Variants in UBFD1 observed in about 807,000 individuals in gnomAD.
UBFD1 encodes the protein ubiquitin domain-containing protein UBFD1.
A neutral mutation model predicts 35.1 loss-of-function variants in UBFD1; 12 were observed. That is an observed-to-expected ratio of 0.34 (90% CI 0.22 to 0.55). UBFD1 has a LOEUF of 0.55. Ranked by LOEUF, UBFD1 falls within the 20% of genes least tolerant of loss-of-function variation. UBFD1 has a pLI of 0.89. For missense variants in UBFD1, 337 were observed against 410.8 expected (o/e 0.82, Z 1.55); for synonymous variants, 178 against 167.6 (o/e 1.06, Z -0.48).
chr16:23,558,249 G>A lies in UBFD1; in HGVS notation c.325G>A (p.Glu109Lys). The change falls in exon 2 of 7, where the codon GAG becomes AAG. Residue 109 changes from glutamate (E) to lysine (K), a missense_variant. By Grantham distance (56) the Glu-to-Lys change is moderately conservative. This residue lies in a region of UBFD1 where 198 missense variants were observed against 168.4 expected (regional missense o/e 1.18). Coordinates refer to ENST00000395878, the MANE Select transcript of UBFD1 (RefSeq NM_019116.3). ...VKFPLDSTGS[E>K]LKQKIHSITG... ...GTTCCCCCTGGACAGCACAGGCTCC[G>A]AGCTGAAACAGAAGATCCACTCGAT... The A allele has an allele frequency of 3.1e-6, 5 of 1,607,278 alleles. No homozygotes were observed. Among genetic ancestry groups the A allele is most frequent in the Admixed American group, 1.7e-5 (1 of 59,110 alleles).
chr16:23,560,867 C>T (rs575144452), intron 3 of UBFD1, among the ~76,000 whole-genome samples: 47 of 152,234 alleles, frequency 3.1e-4, no homozygotes, highest in Admixed American at 1.0e-3. Context: ...GTCTTGAAAC[C>T]GATTGAGTTT....
At chr16:23,567,298 GA>G (rs1291271169) in intron 6 of UBFD1, among the ~76,000 whole-genome samples, 15 of 152,148 alleles carry the variant, frequency 9.9e-5, no homozygotes, top group African/African-American at 3.6e-4. Flanking sequence ...GTTTAAAGGG[GA>G]TATGTTTTCT....
chr16:23,561,343 C>G (rs1463494354), intron 3 of UBFD1, among the ~76,000 whole-genome samples: 1 of 152,186 alleles, frequency 6.6e-6, no homozygotes, highest in Non-Finnish European at 1.5e-5. Context: ...TTGTTACCTT[C>G]TATCCATTCA....
rs761986312 is a variant in UBFD1, at chr16:23,558,266, C to T, written c.342C>T (p.Ile114=). The change falls in exon 2 of 7, where the codon ATC becomes ATT. Residue 114 remains isoleucine, a synonymous_variant. Transcript: ENST00000395878. ...DSTGSELKQK[I]HSITGLPPAM... ...CAGGCTCCGAGCTGAAACAGAAGAT[C>T]CACTCGATTACAGGTAATTCCTGTG... The T allele has an allele frequency of 8.7e-6, 14 of 1,600,052 alleles. No homozygotes were observed. Among genetic ancestry groups the T allele is most frequent in the South Asian group, 1.1e-5 (1 of 89,234 alleles).
At chr16:23,563,194 C>T (rs1239213702) in intron 5 of UBFD1, among the ~76,000 whole-genome samples, 1 of 151,912 alleles carries the variant, frequency 6.6e-6, no homozygotes, top group Non-Finnish European at 1.5e-5. Flanking sequence ...GTGGGCCATA[C>T]TACAGTCTTC....
chr16:23,562,874 T>C (rs1378417058), intron 5 of UBFD1, 144 bp downstream of exon 5: 1 of 732,620 alleles, frequency 1.4e-6, no homozygotes, highest in Non-Finnish European at 2.3e-6. Context: ...TAAATTTGCT[T>C]TTAGATGCTC....
intron 6 of UBFD1, among the ~76,000 whole-genome samples, chr16:23,568,422 T>G (rs12933091): frequency 6.6e-6 from 1 of 151,152 alleles, no homozygotes; most frequent in Admixed American, 6.6e-5. Context: ...CCTCCCAAAG[T>G]GCTGGGGTTA....
Position 23,570,783 on chromosome 16 carries a change from C to T in UBFD1, c.*193C>T, listed in dbSNP as rs925682574. ...TTAGCTTAATTTTAACTTAAAATTA[C>T]CAGTTCCCTTTCTTGCAGTCAGCTT... On this transcript the variant is annotated 3_prime_UTR_variant, in exon 7 of 7. Transcript: ENST00000395878. The T allele has an allele frequency of 8.3e-6, 4 of 481,620 alleles. No homozygotes were observed. Among genetic ancestry groups the T allele is most frequent in the Middle Eastern group, 5.6e-4 (1 of 1,792 alleles). The allele number at this position is 481,620 out of a possible 1,614,324, so 29.8% of individuals were successfully genotyped here. A position where few individuals can be genotyped will look rare whatever the true frequency, so the allele number is the denominator to read the frequency against.
chr16:23,561,368 C>T (rs1319629779), intron 3 of UBFD1, among the ~76,000 whole-genome samples: 1 of 152,178 alleles, frequency 6.6e-6, no homozygotes, highest in African/African-American at 2.4e-5. Context: ...CCCCTAGTTC[C>T]AGCCTTCCAA....
chr16:23,565,098 C>G (rs1965991717), intron 5 of UBFD1: 2 of 152,248 alleles, frequency 1.3e-5, no homozygotes, highest in Admixed American at 6.5e-5. Context: ...GTCCTGTTAC[C>G]TAAGTGTCAT....
intron 5 of UBFD1, chr16:23,565,383 T>C (rs1965995880): frequency 6.6e-6 from 1 of 152,216 alleles, no homozygotes; most frequent in African/African-American, 2.4e-5. Flanking sequence ...GCATGTACCC[T>C]GCTCGTAGGA....
At chr16:23,562,582 T>C (rs776698766) in intron 4 of UBFD1, 43 bp from the exon 5 acceptor site, 1 of 1,591,074 alleles carries the variant, frequency 6.3e-7, no homozygotes, top group Non-Finnish European at 8.6e-7. Flanking sequence ...TCTCTTTTTT[T>C]CTGACTGTCC....
At position 23,560,884 on chromosome 16, in the gene UBFD1, A is replaced by G. The variant is rs564039311; in HGVS notation, c.564+1208A>G. Among the ~76,000 whole-genome samples the G allele has an allele frequency of 5.3e-5, 8 of 152,312 alleles. No individual in the cohort carries two copies. In the South Asian group the frequency reaches 1.2e-3, roughly 24 times the overall value. On this transcript the variant is annotated intron_variant, in intron 3 of 6. Transcript: ENST00000395878. ...CTTGAAACCGATTGAGTTTCTTCTC[A>G]TATTCCTGTTTTTCTTTGCCACATG...
At chr16:23,566,936 G>T in intron 5 of UBFD1, 51 bp from the exon 6 acceptor site, 1 of 1,581,122 alleles carries the variant, frequency 6.3e-7, no homozygotes, top group South Asian at 1.1e-5. Flanking sequence ...AGTCAGAGAA[G>T]TTAGAACAGG....
Position 23,562,711 on chromosome 16 carries a change from G to A in UBFD1, c.717G>A (p.Gln239=). Residue 239 remains glutamine (Q), a synonymous_variant, in exon 5 of 7, where the codon CAG becomes CAA. Transcript: ENST00000395878. ...TCACCTTTAAACTAGAACAAGACCAGCTGTGGATTGGCACTAAAGGTATGT... is the reference window on the plus strand; with the variant it reads ...TCACCTTTAAACTAGAACAAGACCAACTGTGGATTGGCACTAAAGGTATGT... ...VRLTFKLEQD[Q]LWIGTKERTE... 1 of 1,614,148 alleles carries A rather than the reference G, an allele frequency of 6.2e-7. No homozygotes were observed. The highest frequency in any genetic ancestry group is 1.1e-5 in the South Asian group (1 of 91,080).
At chr16:23,560,811 A>G (rs1203774053) in intron 3 of UBFD1, among the ~76,000 whole-genome samples, 1 of 152,216 alleles carries the variant, frequency 6.6e-6, no homozygotes, top group African/African-American at 2.4e-5. Flanking sequence ...TAATTATCTA[A>G]AAGGTGTTGA....
intron 5 of UBFD1, among the ~76,000 whole-genome samples, chr16:23,563,666 A>G (rs1171380288): frequency 1.3e-5 from 2 of 152,198 alleles, no homozygotes; most frequent in African/African-American, 4.8e-5. Context: ...GTTTAAGGAC[A>G]CATTCAAATG....
At chr16:23,566,554 G>A (rs995366279) in intron 5 of UBFD1, 38 of 155,248 alleles carry the variant, frequency 2.4e-4, no homozygotes, top group African/African-American at 9.2e-4. Flanking sequence ...TAGAGACGGG[G>A]TTTCACCATG....
intron 5 of UBFD1, among the ~76,000 whole-genome samples, chr16:23,563,562 C>T (rs1035456129): frequency 1.2e-4 from 18 of 152,216 alleles, no homozygotes; most frequent in Non-Finnish European, 2.2e-4. Context: ...AAGCGAGTTA[C>T]CCTGTTTCAC....
Sources: gnomAD v4.1 joint callset for allele counts (sites outside exome capture counted in the v4.1 genomes callset) on GRCh38, gnomAD v4.1.1 for gene constraint, gnomAD v4.1.1 regional missense constraint, MANE v1.5 for transcripts, NCBI Gene and HGNC (gene_info 2026-07-23, HGNC 2026-07-21) for gene names.